MED17: variants seen among roughly 807,000 people sequenced by gnomAD.
MED17 encodes mediator complex subunit 17, also known as mediator of RNA polymerase II transcription subunit 17.
A neutral mutation model predicts 80.8 loss-of-function variants in MED17; 49 were observed. That is an observed-to-expected ratio of 0.61 (90% CI 0.48 to 0.77). MED17 has a LOEUF of 0.77. MED17 is among the 30% of genes least tolerant of loss of function. The pLI is 0.00. For synonymous variants in MED17, 281 were observed against 280.4 expected (o/e 1.00, Z -0.02); for missense variants, 718 against 787.0 (o/e 0.91, Z 1.05).
chr11:93,799,799 G>A (rs1258301264), intron 8 of MED17, among the ~76,000 whole-genome samples: 1 of 152,096 alleles, frequency 6.6e-6, no homozygotes, highest in East Asian at 1.9e-4. Context: ...AAAGACTGAT[G>A]TGTATGATAA....
chr11:93,811,590 C>T, intron 11 of MED17: 1 of 467,166 alleles, frequency 2.1e-6, no homozygotes, highest in South Asian at 2.6e-5. Context: ...TTATAGAGGA[C>T]ATTTGACATT....
intron 5 of MED17, 98 bp downstream of exon 5, chr11:93,794,133 G>T: frequency 1.0e-6 from 1 of 982,762 alleles, no homozygotes; most frequent in Non-Finnish European, 1.6e-6. Flanking sequence ...TAGATAGTTT[G>T]AAGTAAGAAC....
chr11:93,810,034 G>T, intron 11 of MED17, 158 bp downstream of exon 11: 1 of 727,476 alleles, frequency 1.4e-6, no homozygotes, highest in East Asian at 2.7e-5. Flanking sequence ...CTATTATGCA[G>T]AGCAAGAGAT....
At chr11:93,804,666 C>T (rs1431705252) in intron 9 of MED17, among the ~76,000 whole-genome samples, 2 of 152,088 alleles carry the variant, frequency 1.3e-5, no homozygotes, top group African/African-American at 4.8e-5. Flanking sequence ...GTTTTGTATG[C>T]TTTCTAGCAA....
chr11:93,808,929 A>G (rs1465888701), intron 10 of MED17: 2 of 153,010 alleles, frequency 1.3e-5, no homozygotes, highest in Non-Finnish European at 2.9e-5. Flanking sequence ...CTGGTGACAA[A>G]ATGCATTCTA....
At chr11:93,785,774 A>AG (rs2135707877) in intron 1 of MED17, among the ~76,000 whole-genome samples, 1 of 152,338 alleles carries the variant, frequency 6.6e-6, no homozygotes, top group East Asian at 1.9e-4. Context: ...TTGGAGGCCA[A>AG]GGTGGAAGGA....
intron 8 of MED17, 163 bp from the exon 9 acceptor site, chr11:93,801,672 G>C (rs144560501): frequency 1.1e-4 from 72 of 643,112 alleles, no homozygotes; most frequent in African/African-American, 1.1e-3. Context: ...AGTATGAAAG[G>C]GTTCTTAGAG....
chr11:93,790,381 T>C (rs940569417), intron 2 of MED17, 193 bp from the exon 3 acceptor site: 6 of 620,302 alleles, frequency 9.7e-6, no homozygotes, highest in African/African-American at 9.2e-5. Flanking sequence ...TGTTTTTGGT[T>C]TAACATAAGT....
intron 9 of MED17, among the ~76,000 whole-genome samples, chr11:93,804,320 G>A (rs548266396): frequency 2.0e-5 from 3 of 152,050 alleles, no homozygotes; most frequent in Admixed American, 6.6e-5. Flanking sequence ...CCCAGATTAA[G>A]GGTGGGTCTG....
Position 93,804,033 on chromosome 11 carries a change from A to G in MED17, c.1466+2061A>G, listed in dbSNP as rs1246352392. Reference sequence around the variant, plus strand: ...TATATATATATATATATATACACACACACATATACACACGCACACACACAC... The same window carrying G: ...TATATATATATATATATATACACACGCACATATACACACGCACACACACAC... On this transcript the variant is annotated intron_variant, in intron 9 of 11. Coordinates refer to ENST00000251871, the MANE Select transcript of MED17 (RefSeq NM_004268.5). Among the ~76,000 whole-genome samples, 169 of 24,786 alleles carry G rather than the reference A, an allele frequency of 6.8e-3. 1 individual carries two copies. The highest frequency in any genetic ancestry group is 0.045 in the Admixed American group (67 of 1,476). 16.3% of individuals were successfully genotyped at this position (24,786 alleles called of 152,430 possible).
At chr11:93,789,656 G>C (rs1943810227) in intron 2 of MED17, 2 of 152,092 alleles carry the variant, frequency 1.3e-5, no homozygotes, top group Admixed American at 1.3e-4. Flanking sequence ...CAAAAAATTA[G>C]GATTCAGTGA....
intron 1 of MED17, 33 bp downstream of exon 1, chr11:93,784,796 G>C: frequency 6.5e-7 from 1 of 1,533,784 alleles, no homozygotes; most frequent in Non-Finnish European, 8.7e-7. Context: ...GAGTCCCCCG[G>C]TCTGGGTCCC....
intron 3 of MED17, among the ~76,000 whole-genome samples, chr11:93,792,775 G>A (rs1300598940): frequency 6.6e-6 from 1 of 151,592 alleles, no homozygotes; most frequent in Non-Finnish European, 1.5e-5. Flanking sequence ...CTATCTCTAA[G>A]AAAAAAAACT....
At position 93,804,645 on chromosome 11, in the gene MED17, T is replaced by C. The variant is rs562240577; in HGVS notation, c.1466+2673T>C. ...CATGTAGAAGTTATGTAACCCTACC[T>C]GTCTTACAGAGTTTTGTATGCTTTC... On this transcript the variant is annotated intron_variant, in intron 9 of 11. Coordinates refer to ENST00000251871, the MANE Select transcript of MED17 (RefSeq NM_004268.5). Among the ~76,000 whole-genome samples the C allele has an allele frequency of 5.9e-5, 9 of 152,204 alleles. No individual in the cohort carries two copies. In the South Asian group the frequency reaches 6.2e-4, roughly 10 times the overall value.
In MED17 at chr11:93,807,598, AT is replaced by A. The variant is rs768123740; in HGVS notation, c.1548del (p.Gln517ArgfsTer33). 2 of 1,612,990 alleles carry A rather than the reference AT, an allele frequency of 1.2e-6. No individual in the cohort carries two copies. The highest frequency in any genetic ancestry group is 1.7e-6 in the Non-Finnish European group (2 of 1,179,022). On this transcript the variant is annotated frameshift_variant, in exon 10 of 12. Transcript: ENST00000251871. LOFTEE classifies it high-confidence loss of function. ...GATGGAAGAGTAATTACACTGTCTTATCAGGAGCAGGAGCTACAGGATTTTC... is the reference window on the plus strand; with the variant it reads ...GATGGAAGAGTAATTACACTGTCTTACAGGAGCAGGAGCTACAGGATTTTC... The part of the protein sequence containing the change: ...HRDGRVITLS[Y>X]QEQELQDFLL...
At chr11:93,788,507 T>C (rs571365958) in intron 2 of MED17, 4 of 209,982 alleles carry the variant, frequency 1.9e-5, no homozygotes, top group South Asian at 6.8e-5. Flanking sequence ...CTGTGAAACC[T>C]TGTCTCTATT....
chr11:93,794,670 C>T (rs528362758), intron 5 of MED17: 15 of 569,362 alleles, frequency 2.6e-5, no homozygotes, highest in East Asian at 2.1e-4. Flanking sequence ...AAACTTTCCT[C>T]TTCAGGAATG....
intron 3 of MED17, among the ~76,000 whole-genome samples, chr11:93,791,691 CAAAA>C (rs530711359): frequency 1.4e-3 from 206 of 150,194 alleles, no homozygotes; most frequent in African/African-American, 4.7e-3. Flanking sequence ...GACCTTGTCT[CAAAA>C]AAAACCCCAA....
rs1944102975 is a variant in MED17, at chr11:93,813,303, A to G, written c.*1239A>G. 6.6e-6 allele frequency: 1 copy of G among 152,222 alleles called. No homozygotes were observed. Among genetic ancestry groups the G allele is most frequent in the African/African-American group, 2.4e-5 (1 of 41,460 alleles). 9.4% of individuals were successfully genotyped at this position (152,222 alleles called of 1,614,324 possible). A position where few individuals can be genotyped will look rare whatever the true frequency, so the allele number is the denominator to read the frequency against. On this transcript the variant is annotated 3_prime_UTR_variant, in exon 12 of 12. Transcript: ENST00000251871. ...CTTTGTATTTCTCCACCGTGTTTTCATTAAAGAAAAATGGAGCTTGTGGGC... is the reference window on the plus strand; with the variant it reads ...CTTTGTATTTCTCCACCGTGTTTTCGTTAAAGAAAAATGGAGCTTGTGGGC...
Sources: gnomAD v4.1 joint callset for allele counts (sites outside exome capture counted in the v4.1 genomes callset) on GRCh38, gnomAD v4.1.1 for gene constraint, MANE v1.5 for transcripts, NCBI Gene and HGNC (gene_info 2026-07-23, HGNC 2026-07-21) for gene names.